Variants in MYO1F observed in about 807,000 individuals in gnomAD.
MYO1F encodes the protein myosin IF, also known as unconventional myosin-If.
MYO1F carries 60 observed loss-of-function variants against 146.6 expected under a neutral mutation model. That is an observed-to-expected ratio of 0.41 (90% CI 0.33 to 0.51). The LOEUF (loss-of-function observed/expected upper bound fraction) is 0.51, where lower values mean the gene tolerates loss of function less well. Among genes scored for constraint, MYO1F ranks in the 20% least tolerant of loss-of-function variants. The pLI, the probability that MYO1F is intolerant of heterozygous loss-of-function variation, is 0.25. For missense variants in MYO1F, 1,274 were observed against 1,534.3 expected (o/e 0.83, Z 2.83); for synonymous variants, 602 against 602.1 (o/e 1.00, Z 0.00).
At chr19:8,527,549 C>T in intron 21 of MYO1F, 66 bp from the exon 22 acceptor site, 1 of 1,592,258 alleles carries the variant, frequency 6.3e-7, no homozygotes, top group Admixed American at 1.8e-5. Flanking sequence ...GAGGATCCAC[C>T]CCAGGCAGAG....
chr19:8,547,922 G>T (rs1482944860), intron 12 of MYO1F, 114 bp downstream of exon 12: 2 of 998,668 alleles, frequency 2.0e-6, no homozygotes, highest in Non-Finnish European at 3.1e-6. Context: ...GCACAGAGAG[G>T]TGGGAACGCG....
intron 6 of MYO1F, 122 bp from the exon 7 acceptor site, chr19:8,552,286 T>C (rs1301313786): frequency 9.3e-7 from 1 of 1,075,286 alleles, no homozygotes; most frequent in East Asian, 2.4e-5. Flanking sequence ...TGAGACAGAA[T>C]CTGACTCTGT....
intron 1 of MYO1F, among the ~76,000 whole-genome samples, chr19:8,573,079 C>T (rs1048498601): frequency 5.9e-5 from 9 of 152,142 alleles, no homozygotes; most frequent in South Asian, 2.1e-4. Flanking sequence ...GAGGCTGAGG[C>T]GGGCAGATCA....
intron 16 of MYO1F, among the ~76,000 whole-genome samples, chr19:8,537,781 G>T (rs138178012): frequency 6.6e-6 from 1 of 151,968 alleles, no homozygotes; most frequent in Non-Finnish European, 1.5e-5. Context: ...TCAGGCTGGG[G>T]TATAGTGGCG....
rs989533355 is a variant in MYO1F, at chr19:8,544,694, C to T, written c.1357-230G>A. On this transcript the variant is annotated intron_variant, in intron 13 of 27. Transcript: ENST00000644032. ...TGTGTGGGGCTACTGTGGAAGCTCG[C>T]TGAGGTGCAGAAGTGGGTGGGGACC... Among the ~76,000 whole-genome samples, 13 of 151,914 alleles carry T rather than the reference C, an allele frequency of 8.6e-5. No homozygotes were observed. The South Asian group carries it at 1.0e-3, about 12-fold the overall frequency.
At chr19:8,544,718 C>T (rs562205481) in intron 13 of MYO1F, among the ~76,000 whole-genome samples, 6 of 152,032 alleles carry the variant, frequency 3.9e-5, no homozygotes, top group Non-Finnish European at 8.8e-5. Flanking sequence ...TGGGTGGGGA[C>T]CCCTCAAGAG....
At chr19:8,570,382 T>G (rs546841847) in intron 1 of MYO1F, among the ~76,000 whole-genome samples, 5 of 151,452 alleles carry the variant, frequency 3.3e-5, no homozygotes, top group South Asian at 2.1e-4. Flanking sequence ...ATTTTTTTTT[T>G]TATTTGAGAT....
chr19:8,556,384 G>C (rs573976867), intron 1 of MYO1F, among the ~76,000 whole-genome samples: 2 of 147,396 alleles, frequency 1.4e-5, no homozygotes, highest in East Asian at 4.6e-4. Context: ...GCTCATGCCC[G>C]TAATCCCAGC....
At chr19:8,570,191 G>A (rs910831621) in intron 1 of MYO1F, among the ~76,000 whole-genome samples, 26 of 151,940 alleles carry the variant, frequency 1.7e-4, no homozygotes, top group African/African-American at 6.3e-4. Flanking sequence ...TCCTGCCTCA[G>A]CCTCCCAAGT....
At position 8,553,193 on chromosome 19, in the gene MYO1F, C is replaced by A. The variant is rs367816917; in HGVS notation, c.450G>T (p.Leu150=). 6.2e-7 allele frequency: 1 copy of A among 1,614,182 alleles called. No individual in the cohort carries two copies. Among genetic ancestry groups the A allele is most frequent in the Non-Finnish European group, 8.5e-7 (1 of 1,180,048 alleles). The change falls in exon 6 of 28, where the codon CTG becomes CTT. Residue 150 remains leucine (L), a synonymous_variant. Transcript: ENST00000644032. ...TCTTGGCGTTGCCGAAGGCCTCGAG[C>A]AGCGGGTTGGACTGCAGGATGATAT... The part of the protein sequence containing the change: ...VKDIILQSNP[L]LEAFGNAKTV...
intron 21 of MYO1F, among the ~76,000 whole-genome samples, chr19:8,529,181 C>T (rs1289383057): frequency 6.6e-6 from 1 of 152,048 alleles, no homozygotes; most frequent in Admixed American, 6.6e-5. Context: ...ACTATCCATC[C>T]AGGTAAAGAT....
At chr19:8,552,506 A>G (rs867879566) in intron 6 of MYO1F, among the ~76,000 whole-genome samples, 8 of 152,026 alleles carry the variant, frequency 5.3e-5, no homozygotes, top group Admixed American at 2.6e-4. Context: ...ACCTCAAGTG[A>G]TCCGCCTGTC....
At chr19:8,566,744 C>G (rs991799358) in intron 1 of MYO1F, among the ~76,000 whole-genome samples, 1 of 147,138 alleles carries the variant, frequency 6.8e-6, no homozygotes, top group African/African-American at 2.5e-5. Flanking sequence ...GAACTCCTGA[C>G]CTCAAGTGAT....
chr19:8,553,566 C>T (rs548405965), intron 4 of MYO1F, 129 bp from the exon 5 acceptor site: 1 of 757,106 alleles, frequency 1.3e-6, no homozygotes, highest in South Asian at 1.5e-5. Context: ...CTGTAATGAA[C>T]AAGACAGATA....
rs1423329070 is a variant in MYO1F at position 8,543,645 on chromosome 19, G to C, written c.1524+652C>G. 3.4e-5 allele frequency among the ~76,000 whole-genome samples: 5 copies of C among 145,932 alleles called. No individual in the cohort carries two copies. The South Asian group carries it at 1.1e-3, about 32-fold the overall frequency. On this transcript the variant is annotated intron_variant, in intron 14 of 27. Coordinates refer to ENST00000644032, the MANE Select transcript of MYO1F (RefSeq NM_012335.4). ...CCCTGGCCCAGGGAACACGGTGGTG[G>C]TGGTGGTGCTGGTGGTGGTGGTGGT... is the stretch of plus-strand genomic sequence containing the variant.
Position 8,521,192 on chromosome 19 carries a change from C to G in MYO1F, c.*336G>C. On this transcript the variant is annotated 3_prime_UTR_variant, in exon 28 of 28. Coordinates refer to ENST00000644032, the MANE Select transcript of MYO1F (RefSeq NM_012335.4). ...TTGTTAAGGACCCCCCCCTCCCCAA[C>G]TGTGCCTGGCACTTTGCCAACAGCA... is the stretch of plus-strand genomic sequence containing the variant. 2.5e-6 allele frequency: 1 copy of G among 397,500 alleles called. No individual in the cohort carries two copies. Among genetic ancestry groups the G allele is most frequent in the Non-Finnish European group, 4.8e-6 (1 of 209,226 alleles). The allele number at this position is 397,500 out of a possible 1,614,324, so 24.6% of individuals were successfully genotyped here. A position where few individuals can be genotyped will look rare whatever the true frequency, so the allele number is the denominator to read the frequency against.
rs527878299 is a variant in MYO1F at position 8,527,723 on chromosome 19, C to T, written c.2329-240G>A. ...CCCCTCCTGGGCTTGAGTGATCCAC[C>T]TGCCTCAGCCTCCTGAGTAGCTGGG... On this transcript the variant is annotated intron_variant, in intron 21 of 27. Coordinates refer to ENST00000644032, the MANE Select transcript of MYO1F (RefSeq NM_012335.4). 2.7e-3 allele frequency among the ~76,000 whole-genome samples: 418 copies of T among 152,316 alleles called. 2 individuals are homozygous for T. Among genetic ancestry groups the T allele is most frequent in the African/African-American group, 9.0e-3 (374 of 41,584 alleles).
At chr19:8,546,894 G>T (rs1218406718) in intron 12 of MYO1F, among the ~76,000 whole-genome samples, 1 of 152,016 alleles carries the variant, frequency 6.6e-6, no homozygotes, top group African/African-American at 2.4e-5. Context: ...GGCCAGGCTG[G>T]TCTCAAACTC....
intron 23 of MYO1F, 94 bp from the exon 24 acceptor site, chr19:8,526,695 G>T (rs1476046723): frequency 6.5e-7 from 1 of 1,532,754 alleles, no homozygotes; most frequent in Non-Finnish European, 8.8e-7. Flanking sequence ...CCGCGGCCGG[G>T]GCCGAAGCGC....
Sources: gnomAD v4.1 joint callset for allele counts (sites outside exome capture counted in the v4.1 genomes callset) on GRCh38, gnomAD v4.1.1 for gene constraint, MANE v1.5 for transcripts, NCBI Gene and HGNC (gene_info 2026-07-23, HGNC 2026-07-21) for gene names.